The following TPCN1 variants were observed in gnomAD, a reference collection of about 807,000 sequenced individuals.
TPCN1 encodes the protein two pore channel protein 1.
TPCN1 carries 52 observed loss-of-function variants against 108.8 expected under a neutral mutation model. The observed-to-expected ratio is 0.48, with a 90% CI of 0.38 to 0.60. The LOEUF (loss-of-function observed/expected upper bound fraction) is 0.60, where lower values mean the gene tolerates loss of function less well. Ranked by LOEUF, TPCN1 falls within the 20% of genes least tolerant of loss-of-function variation. The probability of loss-of-function intolerance (pLI) is 0.00; values close to 1 mark genes in which losing one functional copy is unlikely to be tolerated. For synonymous variants in TPCN1, 446 were observed against 433.7 expected, an observed-to-expected ratio of 1.03 and a Z score of -0.35; for missense variants, 806 against 1,072.8, an observed-to-expected ratio of 0.75 and a Z score of 3.47.
rs1341305135 is a variant in TPCN1, at chr12:113,272,910, G to C, written c.783+218G>C. ...ATCCCCTTTTCTGTTCTTGAAAGGA[G>C]TGCCGCCAGGATCAGGTTTGGACCA... is the stretch of plus-strand genomic sequence containing the variant. On this transcript the variant is annotated intron_variant, in intron 8 of 27. Transcript: ENST00000335509. This position sits in a 1 kb window ranked among gnomAD's most constrained non-coding sequence, Gnocchi z 4.1. 6.6e-6 allele frequency among the ~76,000 whole-genome samples: 1 copy of C among 152,188 alleles called. No individual in the cohort carries two copies. The highest frequency in any genetic ancestry group is 2.4e-5 in the African/African-American group (1 of 41,438).
In TPCN1 at chr12:113,232,149, GGTT is replaced by G. The variant is rs933168194; in HGVS notation, c.112+5189_112+5191del. 3.5e-4 allele frequency among the ~76,000 whole-genome samples: 53 copies of G among 152,234 alleles called. No homozygotes were observed. Among genetic ancestry groups the G allele is most frequent in the Non-Finnish European group, 1.3e-4 (9 of 68,040 alleles). On this transcript the variant is annotated intron_variant, in intron 2 of 27. Coordinates refer to ENST00000335509, the MANE Select transcript of TPCN1 (RefSeq NM_017901.6). The surrounding 1 kb of genome is among the most constrained non-coding windows in gnomAD (Gnocchi z 5.6). ...ATGCTCCGTCTCTGCTTTGGTGCCG[GGTT>G]GTTTATGGTTTTCAGGTGACAGGTC...
In TPCN1 at chr12:113,277,482, C is replaced by T. The variant is rs1422897845; in HGVS notation, c.1184+118C>T. 24 of 1,246,736 alleles carry T rather than the reference C, an allele frequency of 1.9e-5. No homozygotes were observed. In the East Asian group the frequency reaches 5.4e-4, roughly 28 times the overall value. 77.2% of individuals were successfully genotyped at this position (1,246,736 alleles called of 1,614,324 possible). A position where few individuals can be genotyped will look rare whatever the true frequency, so the allele number is the denominator to read the frequency against. On this transcript the variant is annotated intron_variant, in intron 12 of 27. Transcript: ENST00000335509. ...GGCCTATAGGCTTGTCAGAGACTTC[C>T]TCCACAGATGTTTATCCATGTAGAC...
At chr12:113,292,844 C>T (rs1005843830) in intron 25 of TPCN1, 90 bp from the exon 26 acceptor site, 74 of 1,458,490 alleles carry the variant, frequency 5.1e-5, no homozygotes, top group Non-Finnish European at 6.3e-5. Context: ...CTTAAGACCC[C>T]CTGCGGAAGG....
chr12:113,229,645 C>T (rs1301417089), intron 2 of TPCN1, among the ~76,000 whole-genome samples: 7 of 152,216 alleles, frequency 4.6e-5, no homozygotes, highest in Non-Finnish European at 1.0e-4. Context: ...TGAGCCACTA[C>T]ACCCAGCTAA....
chr12:113,258,921 G>A (rs1285490891), intron 2 of TPCN1, among the ~76,000 whole-genome samples: 1 of 151,944 alleles, frequency 6.6e-6, no homozygotes, highest in Non-Finnish European at 1.5e-5. Context: ...TTGCATGGTT[G>A]TAAGCCTTAC....
intron 2 of TPCN1, among the ~76,000 whole-genome samples, chr12:113,248,521 CA>C (rs1454224977): frequency 2.6e-5 from 4 of 152,174 alleles, no homozygotes; most frequent in Non-Finnish European, 5.9e-5. Context: ...TAGGGGAGGC[CA>C]AGGGTAGCCT....
At chr12:113,249,096 T>C (rs977551763) in intron 2 of TPCN1, among the ~76,000 whole-genome samples, 1 of 152,250 alleles carries the variant, frequency 6.6e-6, no homozygotes, top group African/African-American at 2.4e-5. Context: ...GGTGCAGCTG[T>C]TCCATTCAGC....
In TPCN1 at chr12:113,226,860, T is replaced by A; in HGVS notation, c.8T>A (p.Val3Glu). MA[V>E]SLDDDVPLIL... The stretch of plus-strand genomic sequence containing the variant: ...GCCACAGGAGAAGAGAACATGGCTG[T>A]GAGTTTGGATGACGACGTGCCGCTC... Residue 3 changes from valine to glutamate, a missense_variant, in exon 2 of 28, where the codon GTG becomes GAG. By Grantham distance (121) the Val-to-Glu change is moderately radical. Transcript: ENST00000335509. The A allele has an allele frequency of 6.2e-7, 1 of 1,614,048 alleles. No homozygotes were observed. The highest frequency in any genetic ancestry group is 8.5e-7 in the Non-Finnish European group (1 of 1,180,008).
At chr12:113,230,307 G>A (rs1041226132) in intron 2 of TPCN1, among the ~76,000 whole-genome samples, 7 of 20,056 alleles carry the variant, frequency 3.5e-4, no homozygotes, top group African/African-American at 1.4e-3. Context: ...TTTTTTTTTT[G>A]AGGTGGAGTA....
intron 14 of TPCN1, 134 bp downstream of exon 14, chr12:113,278,969 G>A: frequency 1.3e-6 from 1 of 788,590 alleles, no homozygotes; most frequent in Middle Eastern, 2.4e-4. Context: ...CCTGTGTGAA[G>A]AGACAGTGTG....
chr12:113,241,764 G>GCCTC (rs1954136129), intron 2 of TPCN1, among the ~76,000 whole-genome samples: 1 of 133,728 alleles, frequency 7.5e-6, no homozygotes, highest in Admixed American at 7.2e-5. Context: ...GCCTCTGCGT[G>GCCTC]TGTGTGTGTG....
Position 113,296,012 on chromosome 12 carries a change from G to A in TPCN1, c.2387G>A (p.Ser796Asn), listed in dbSNP as rs746076999. Residue 796 changes from serine (S) to asparagine (N), a missense_variant, in exon 28 of 28, where the codon AGC (serine) becomes AAC (asparagine). Physicochemically the swap from Ser to Asn is conservative, Grantham distance 46. Transcript: ENST00000335509. ...REQEQQRQLS[S>N]SAAPAAQQPP... ...CAAGAGCAGCAGCGACAACTCAGCA[G>A]CAGTGCAGCCCCCGCCGCCCAGCAG... 2 of 1,612,968 alleles carry A rather than the reference G, an allele frequency of 1.2e-6. No homozygotes were observed. The highest frequency in any genetic ancestry group is 2.2e-5 in the South Asian group (2 of 91,024).
intron 12 of TPCN1, 87 bp downstream of exon 12, chr12:113,277,451 T>C: frequency 6.5e-7 from 1 of 1,539,698 alleles, no homozygotes; most frequent in Non-Finnish European, 8.9e-7. Flanking sequence ...GCCCTTGAGG[T>C]GGGCAGGCCT....
chr12:113,282,964 C>T (rs1430617918), intron 15 of TPCN1, among the ~76,000 whole-genome samples: 1 of 151,960 alleles, frequency 6.6e-6, no homozygotes, highest in Non-Finnish European at 1.5e-5. Flanking sequence ...GTGGTCCCAG[C>T]TACTTGGGAG....
At position 113,288,360 on chromosome 12, in the gene TPCN1, G is replaced by T. The variant is rs1477017120; in HGVS notation, c.1706+126G>T. On this transcript the variant is annotated intron_variant, in intron 20 of 27. Transcript: ENST00000335509. This position sits in a 1 kb window ranked among gnomAD's most constrained non-coding sequence, Gnocchi z 4.8. ...AAGGACTGCAATCGAGGGCCTGACGGGGCTCCAAGGAGCCTGGAATCTTGA... is the reference window on the plus strand; with the variant it reads ...AAGGACTGCAATCGAGGGCCTGACGTGGCTCCAAGGAGCCTGGAATCTTGA... 1.3e-6 allele frequency: 2 copies of T among 1,519,352 alleles called. No individual in the cohort carries two copies. Among genetic ancestry groups the T allele is most frequent in the African/African-American group, 2.8e-5 (2 of 72,548 alleles). 94.1% of individuals were successfully genotyped at this position (1,519,352 alleles called of 1,614,324 possible). A position where few individuals can be genotyped will look rare whatever the true frequency, so the allele number is the denominator to read the frequency against.
intron 2 of TPCN1, among the ~76,000 whole-genome samples, chr12:113,228,691 C>T (rs1459208344): frequency 6.6e-6 from 1 of 152,170 alleles, no homozygotes; most frequent in East Asian, 1.9e-4. Context: ...TTATTATTAT[C>T]TGTATTTTAC....
In TPCN1 at chr12:113,221,935, C is replaced by A. The variant is rs1051877523; in HGVS notation, c.-126+309C>A. On this transcript the variant is annotated intron_variant, in intron 1 of 27. Transcript: ENST00000335509. ...TTCTTCCTCCCTCCCTCGCTCTTCT[C>A]CCTGGCGCCCTTAGGTGACCCCACA... 2.6e-5 allele frequency among the ~76,000 whole-genome samples: 4 copies of A among 152,348 alleles called. No individual in the cohort carries two copies. The South Asian group carries it at 6.2e-4, about 24-fold the overall frequency.
intron 2 of TPCN1, among the ~76,000 whole-genome samples, chr12:113,229,189 G>A (rs1402352393): frequency 6.6e-6 from 1 of 152,240 alleles, no homozygotes; most frequent in Non-Finnish European, 1.5e-5. Context: ...TGTTTCTCAA[G>A]AATAAAGAAA....
Position 113,278,254 on chromosome 12 carries a change from G to C in TPCN1, c.1233+17G>C, listed in dbSNP as rs1955740193. 1 of 1,612,360 alleles carries C rather than the reference G, an allele frequency of 6.2e-7. No homozygotes were observed. Among genetic ancestry groups the C allele is most frequent in the Admixed American group, 1.7e-5 (1 of 60,010 alleles). On this transcript the variant is annotated intron_variant, in intron 13 of 27. Transcript: ENST00000335509. ...AAGTGGAAGGTGAGTTCTTCTCTGA[G>C]ACCATAGAAGGAGTAGACAGAGAGG... is the stretch of plus-strand genomic sequence containing the variant.
Sources: gnomAD v4.1 joint callset for allele counts (sites outside exome capture counted in the v4.1 genomes callset) on GRCh38, gnomAD v4.1.1 for gene constraint, Gnocchi (gnomAD v3.1) non-coding constraint, MANE v1.5 for transcripts, NCBI Gene and HGNC (gene_info 2026-07-23, HGNC 2026-07-21) for gene names.